The following PLD5 variants were observed in gnomAD, a reference collection of about 807,000 sequenced individuals.
PLD5 encodes inactive phospholipase D5.
PLD5 carries 36 observed loss-of-function variants against 61.1 expected under a neutral mutation model. The ratio of observed to expected loss-of-function variants is 0.59; its 90% CI spans 0.45 to 0.78. The LOEUF is 0.78. PLD5 is among the 30% of genes least tolerant of loss of function. The pLI is 0.00. For synonymous variants in PLD5, 243 were observed against 242.8 expected (o/e 1.00, Z -0.01); for missense variants, 515 against 644.4 (o/e 0.80, Z 2.17).
At chr1:242,337,818 C>A (rs1392731340) in intron 2 of PLD5, among the ~76,000 whole-genome samples, 1 of 152,148 alleles carries the variant, frequency 6.6e-6, no homozygotes, top group Non-Finnish European at 1.5e-5. Flanking sequence ...CAACAGGAAA[C>A]CTATCCTAGG....
intron 9 of PLD5, among the ~76,000 whole-genome samples, chr1:242,093,732 C>A (rs191214985): frequency 2.0e-5 from 3 of 151,906 alleles, no homozygotes; most frequent in African/African-American, 7.3e-5. Context: ...AGCATCATAG[C>A]CACATTGAGA....
chr1:242,161,981 C>A (rs536782387), intron 5 of PLD5, among the ~76,000 whole-genome samples: 1 of 152,220 alleles, frequency 6.6e-6, no homozygotes, highest in East Asian at 1.9e-4. Context: ...AGAGGTGGGG[C>A]AAACACTGTA....
chr1:242,316,802 T>C (rs1230162689), intron 2 of PLD5, among the ~76,000 whole-genome samples: 1 of 151,694 alleles, frequency 6.6e-6, no homozygotes, highest in East Asian at 2.0e-4. Flanking sequence ...TGTCTGTTGC[T>C]CCCCTCTTCG....
intron 1 of PLD5, among the ~76,000 whole-genome samples, chr1:242,496,755 CCCCTAATATCTG>C (rs1377128603): frequency 1.3e-5 from 2 of 152,188 alleles, no homozygotes; most frequent in Admixed American, 1.3e-4. Context: ...TTCTAAGTGT[CCCCTAATATCTG>C]CCCTCACAAA....
Position 242,089,081 on chromosome 1 carries a change from A to G in PLD5, c.*773T>C. 2.7e-6 allele frequency: 1 copy of G among 368,946 alleles called. No homozygotes were observed. The highest frequency in any genetic ancestry group is 4.8e-6 in the Non-Finnish European group (1 of 207,776). 22.9% of individuals were successfully genotyped at this position (368,946 alleles called of 1,614,324 possible). A position where few individuals can be genotyped will look rare whatever the true frequency, so the allele number is the denominator to read the frequency against. On this transcript the variant is annotated 3_prime_UTR_variant, in exon 10 of 10. Transcript: ENST00000536534. ...GAAAGGATACATATTGCTGACTGTG[A>G]TTTTTTTTAAATACCAATTCGGTAG...
chr1:242,373,335 C>A (rs1661753662), intron 1 of PLD5, among the ~76,000 whole-genome samples: 1 of 152,194 alleles, frequency 6.6e-6, no homozygotes, highest in Non-Finnish European at 1.5e-5. Context: ...AACAGGAACA[C>A]TTTTACACTG....
chr1:242,356,664 T>C (rs1382152614), intron 1 of PLD5, among the ~76,000 whole-genome samples: 1 of 151,660 alleles, frequency 6.6e-6, no homozygotes, highest in African/African-American at 2.4e-5. Flanking sequence ...CCTTTATAGT[T>C]TGCTATGGTG....
intron 5 of PLD5, among the ~76,000 whole-genome samples, chr1:242,182,863 T>C (rs990143867): frequency 2.5e-4 from 38 of 151,532 alleles, no homozygotes; most frequent in African/African-American, 7.8e-4. Flanking sequence ...AACGAATAAA[T>C]AAATAAAAAT....
At chr1:242,382,169 T>C (rs1044663827) in intron 1 of PLD5, among the ~76,000 whole-genome samples, 1 of 147,336 alleles carries the variant, frequency 6.8e-6, no homozygotes. Flanking sequence ...TAGAAGAGGT[T>C]TGGAATGAGG....
At chr1:242,441,696 C>G (rs987216958) in intron 1 of PLD5, among the ~76,000 whole-genome samples, 1 of 151,990 alleles carries the variant, frequency 6.6e-6, no homozygotes, top group Non-Finnish European at 1.5e-5. Flanking sequence ...CAGACAGACA[C>G]CCCTCTTCCC....
chr1:242,194,566 A>ATATCTATCTATCTATC (rs201221980), intron 5 of PLD5, among the ~76,000 whole-genome samples: 3,422 of 123,760 alleles, frequency 0.028, 99 homozygotes, highest in Non-Finnish European at 0.035. Flanking sequence ...AGCTATCTCT[A>ATATCTATCTATCTATC]TATCTATCTA....
intron 4 of PLD5, among the ~76,000 whole-genome samples, chr1:242,227,771 G>A (rs1470437376): frequency 6.6e-6 from 1 of 152,154 alleles, no homozygotes; most frequent in Non-Finnish European, 1.5e-5. Context: ...ATGTGCGTCT[G>A]TTACATGCTT....
At chr1:242,100,615 T>C (rs946722902) in intron 9 of PLD5, 53 bp downstream of exon 9, 36 of 1,339,742 alleles carry the variant, frequency 2.7e-5, no homozygotes, top group Non-Finnish European at 1.3e-5. Context: ...ACAGCTGGAC[T>C]ACCACTCCCT....
At chr1:242,132,023 G>T (rs1181835577) in intron 5 of PLD5, among the ~76,000 whole-genome samples, 2 of 151,408 alleles carry the variant, frequency 1.3e-5, no homozygotes, top group Non-Finnish European at 2.9e-5. Flanking sequence ...TAGAGATAGA[G>T]TTTCACCATC....
chr1:242,267,227 A>G lies in PLD5; in HGVS notation c.496-1779T>C, dbSNP rs1283097933. Among the ~76,000 whole-genome samples, 4 of 150,340 alleles carry G rather than the reference A, an allele frequency of 2.7e-5. No homozygotes were observed. In the East Asian group the frequency reaches 7.8e-4, roughly 29 times the overall value. ...GGAAAGGGAAAGGGAGAAACTGAAG[A>G]TCAAGACCCTGAAGCTTTAGGGTGT... is the stretch of plus-strand genomic sequence containing the variant. On this transcript the variant is annotated intron_variant, in intron 3 of 9. Coordinates refer to ENST00000536534, the MANE Select transcript of PLD5 (RefSeq NM_001372062.1).
At chr1:242,447,049 G>A (rs1337712521) in intron 1 of PLD5, among the ~76,000 whole-genome samples, 2 of 152,058 alleles carry the variant, frequency 1.3e-5, no homozygotes, top group African/African-American at 2.4e-5. Flanking sequence ...GCAAGAATGG[G>A]GATTACTAAA....
intron 1 of PLD5, among the ~76,000 whole-genome samples, chr1:242,470,362 GAAAGAAAGAAAGAAAGAAAAA>G (rs138365935): frequency 0.32 from 43,946 of 138,618 alleles, 6,679 homozygotes; most frequent in Admixed American, 0.4. Context: ...AAAAAAGAAA[GAAAGAAAGAAAGAAAGAAAAA>G]AAAGAAAGAA....
intron 1 of PLD5, among the ~76,000 whole-genome samples, chr1:242,417,489 A>T (rs1172642871): frequency 2.0e-5 from 3 of 152,224 alleles, no homozygotes; most frequent in Non-Finnish European, 4.4e-5. Flanking sequence ...TGTAATTAAA[A>T]GTGGATATAA....
At chr1:242,402,073 C>T (rs988034973) in intron 1 of PLD5, among the ~76,000 whole-genome samples, 2 of 152,236 alleles carry the variant, frequency 1.3e-5, no homozygotes, top group African/African-American at 4.8e-5. Flanking sequence ...GCACTCTCCC[C>T]TGCTATCAGT....
Sources: allele counts gnomAD v4.1 joint callset (sites outside exome capture counted in the v4.1 genomes callset), GRCh38; gene constraint gnomAD v4.1.1; transcripts MANE v1.5; gene names NCBI Gene and HGNC (gene_info 2026-07-23, HGNC 2026-07-21).